The following LATS1 variants were observed in gnomAD, a reference collection of about 807,000 sequenced individuals.
LATS1 encodes large tumor suppressor kinase 1, also known as serine/threonine-protein kinase LATS1.
LATS1 carries 25 observed loss-of-function variants against 106.6 expected under a neutral mutation model. The observed-to-expected ratio is 0.23, with a 90% CI of 0.17 to 0.33. The LOEUF is 0.33. Ranked by LOEUF, LATS1 falls within the 10% of genes least tolerant of loss-of-function variation. The pLI, the probability that LATS1 is intolerant of heterozygous loss-of-function variation, is 1.00. For synonymous variants in LATS1, 465 were observed against 455.6 expected (o/e 1.02, Z -0.26); for missense variants, 1,040 against 1,382.6 (o/e 0.75, Z 3.93).
chr6:149,702,939 C>T (rs1202204091), intron 1 of LATS1, among the ~76,000 whole-genome samples: 10 of 151,336 alleles, frequency 6.6e-5, no homozygotes, highest in African/African-American at 2.4e-4. Flanking sequence ...TCCCAAAGTG[C>T]TGGGATTACA....
At chr6:149,672,952 A>G (rs935566318) in intron 7 of LATS1, among the ~76,000 whole-genome samples, 6 of 152,012 alleles carry the variant, frequency 3.9e-5, no homozygotes, top group Non-Finnish European at 7.3e-5. Flanking sequence ...TTCAAAAAAA[A>G]CAACAACGAA....
At position 149,701,723 on chromosome 6, in the gene LATS1, G is replaced by C. The variant is rs1216537054; in HGVS notation, c.348+56C>G. 31 of 1,322,774 alleles carry C rather than the reference G, an allele frequency of 2.3e-5. 1 individual carries two copies. In the Admixed American group the frequency reaches 6.4e-4, roughly 27 times the overall value. 81.9% of individuals were successfully genotyped at this position (1,322,774 alleles called of 1,614,324 possible). A position where few individuals can be genotyped will look rare whatever the true frequency, so the allele number is the denominator to read the frequency against. Reference sequence around the variant, plus strand: ...ATTTTGGCATGTTATCACCCAAAAAGTGTTATGTAGCATAAGGTAAGAAGA... The same window carrying C: ...ATTTTGGCATGTTATCACCCAAAAACTGTTATGTAGCATAAGGTAAGAAGA... On this transcript the variant is annotated intron_variant, in intron 2 of 7. Coordinates refer to ENST00000543571, the MANE Select transcript of LATS1 (RefSeq NM_004690.4).
At chr6:149,679,726 A>G (rs1781933162) in intron 5 of LATS1, 149 bp downstream of exon 5, 2 of 584,088 alleles carry the variant, frequency 3.4e-6, no homozygotes, top group South Asian at 5.6e-5. Context: ...CTAAGTGCCT[A>G]ATGGAGTCAC....
chr6:149,671,437 T>C (rs1016488664), intron 7 of LATS1, among the ~76,000 whole-genome samples: 1 of 151,850 alleles, frequency 6.6e-6, no homozygotes, highest in African/African-American at 2.4e-5. Context: ...CCTGGCCTGA[T>C]GTTCAGTTTT....
At chr6:149,669,666 C>T (rs1582845921) in intron 7 of LATS1, among the ~76,000 whole-genome samples, 6 of 151,816 alleles carry the variant, frequency 4.0e-5, no homozygotes, top group Admixed American at 3.3e-4. Context: ...GAGGATGACA[C>T]GGGAGAATCT....
intron 7 of LATS1, among the ~76,000 whole-genome samples, chr6:149,668,608 ATTT>A (rs35989414): frequency 7.7e-5 from 11 of 142,022 alleles, no homozygotes; most frequent in African/African-American, 2.1e-4. Context: ...ATGCCCAGCT[ATTT>A]TTTTTTTTTT....
chr6:149,713,447 A>T, intron 1 of LATS1, among the ~76,000 whole-genome samples: 1 of 150,642 alleles, frequency 6.6e-6, no homozygotes, highest in East Asian at 2.0e-4. Flanking sequence ...GGAGCCCACC[A>T]CCACACCCGG....
chr6:149,692,691 TG>T (rs1782832546), intron 3 of LATS1, among the ~76,000 whole-genome samples: 2 of 151,338 alleles, frequency 1.3e-5, no homozygotes, highest in Non-Finnish European at 2.9e-5. Context: ...TTTTTTTTTT[TG>T]AGAGGGAGTT....
chr6:149,694,233 A>C (rs1181675809), intron 3 of LATS1, among the ~76,000 whole-genome samples: 11 of 152,204 alleles, frequency 7.2e-5, no homozygotes, highest in Admixed American at 7.2e-4. Context: ...TATAAGGGTA[A>C]TTACTGCAGT....
intron 7 of LATS1, among the ~76,000 whole-genome samples, chr6:149,670,070 G>C (rs1315716458): frequency 6.6e-6 from 1 of 150,598 alleles, no homozygotes; most frequent in East Asian, 2.0e-4. Context: ...TACTCAGGAG[G>C]CTGAGGCAGG....
At chr6:149,713,875 G>C (rs1784242711) in intron 1 of LATS1, among the ~76,000 whole-genome samples, 1 of 152,130 alleles carries the variant, frequency 6.6e-6, no homozygotes, top group Non-Finnish European at 1.5e-5. Context: ...GGCCAGGGTG[G>C]TCTTGAACTC....
chr6:149,667,039 G>T (rs1582840906), intron 7 of LATS1, among the ~76,000 whole-genome samples: 3 of 151,438 alleles, frequency 2.0e-5, no homozygotes, highest in Admixed American at 2.0e-4. Flanking sequence ...GTATCAAAAA[G>T]AAATTTTATA....
intron 1 of LATS1, among the ~76,000 whole-genome samples, chr6:149,709,891 G>GTCT (rs985878266): frequency 2.0e-5 from 3 of 151,758 alleles, no homozygotes; most frequent in African/African-American, 7.3e-5. Context: ...GGCCAAGCTG[G>GTCT]TCTTGAACTC....
At chr6:149,663,770 T>C (rs1780999796) in intron 7 of LATS1, among the ~76,000 whole-genome samples, 1 of 152,066 alleles carries the variant, frequency 6.6e-6, no homozygotes, top group Non-Finnish European at 1.5e-5. Context: ...CATCACTTAT[T>C]TCAAACAGGA....
intron 1 of LATS1, among the ~76,000 whole-genome samples, chr6:149,713,752 C>A (rs151274665): frequency 6.6e-6 from 1 of 151,868 alleles, no homozygotes; most frequent in African/African-American, 2.4e-5. Flanking sequence ...CTCTGCCTCC[C>A]GGGTTCAAGC....
intron 1 of LATS1, among the ~76,000 whole-genome samples, chr6:149,707,009 CTCT>C (rs1291212939): frequency 4.0e-5 from 5 of 126,514 alleles, no homozygotes; most frequent in Admixed American, 9.2e-5. Context: ...AACTGGACAT[CTCT>C]TTTTTTTTTT....
intron 1 of LATS1, among the ~76,000 whole-genome samples, chr6:149,708,021 G>GA (rs1049052692): frequency 1.3e-4 from 19 of 146,910 alleles, no homozygotes; most frequent in East Asian, 5.9e-4. Flanking sequence ...AGTTAAAAAA[G>GA]AAAAAAAAAG....
chr6:149,691,673 A>G (rs1562341312), intron 3 of LATS1, among the ~76,000 whole-genome samples: 1 of 152,108 alleles, frequency 6.6e-6, no homozygotes, highest in Non-Finnish European at 1.5e-5. Flanking sequence ...CTATTAAATA[A>G]TAAGCTTGGT....
chr6:149,675,415 C>T (rs1781665182), intron 7 of LATS1, among the ~76,000 whole-genome samples: 1 of 152,074 alleles, frequency 6.6e-6, no homozygotes. Context: ...TTGTGGGTAA[C>T]TTCTCATTTA....
Sources: allele counts gnomAD v4.1 joint callset (sites outside exome capture counted in the v4.1 genomes callset), GRCh38; gene constraint gnomAD v4.1.1; transcripts MANE v1.5; gene names NCBI Gene and HGNC (gene_info 2026-07-23, HGNC 2026-07-21).